Variants in NDUFB2 observed in about 807,000 individuals in gnomAD.
NDUFB2 encodes the protein NADH:ubiquinone oxidoreductase subunit B2, also known as NADH dehydrogenase [ubiquinone] 1 beta subcomplex subunit 2, mitochondrial.
NDUFB2 carries 13 observed loss-of-function variants against 13.4 expected under a neutral mutation model. The ratio of observed to expected loss-of-function variants is 0.97; its 90% CI spans 0.63 to 1.54. The LOEUF is 1.54. Among genes scored for constraint, NDUFB2 ranks in the 40% most tolerant of loss-of-function variants. The pLI, the probability that NDUFB2 is intolerant of heterozygous loss-of-function variation, is 0.00. For missense variants in NDUFB2, 150 were observed against 139.7 expected (o/e 1.07, Z -0.37); for synonymous variants, 47 against 50.6 (o/e 0.93, Z 0.30).
Position 140,696,755 on chromosome 7 carries a change from T to A in NDUFB2, c.11T>A (p.Leu4Gln). 6.3e-7 allele frequency: 1 copy of A among 1,598,598 alleles called. No individual in the cohort carries two copies. Among genetic ancestry groups the A allele is most frequent in the Non-Finnish European group, 8.5e-7 (1 of 1,173,444 alleles). ...CGGACGGGAGCGAGTATGTCCGCTC[T>A]GACTCGGCTGGCGTCTTTCGCTCGC... The part of the protein sequence containing the change: MSA[L>Q]TRLASFARVG... The change falls in exon 1 of 4, where the codon CTG (leucine) becomes CAG (glutamine). Residue 4 changes from leucine to glutamine, a missense_variant. Transcript: ENST00000247866.
intron 1 of NDUFB2, 155 bp from the exon 2 acceptor site, chr7:140,702,711 A>AAGTGAGTATT: frequency 2.3e-6 from 2 of 878,666 alleles, no homozygotes; most frequent in Non-Finnish European, 3.4e-6. Context: ...GCTTAGTAAA[A>AAGTGAGTATT]AGTGAGTATT....
chr7:140,704,720 TA>T, intron 2 of NDUFB2, 139 bp from the exon 3 acceptor site: 1 of 555,010 alleles, frequency 1.8e-6, no homozygotes, highest in Non-Finnish European at 3.1e-6. Flanking sequence ...ATCGAATAAT[TA>T]AAGTAGAATT....
At chr7:140,705,891 G>C (rs1002110162) in intron 3 of NDUFB2, among the ~76,000 whole-genome samples, 2 of 152,060 alleles carry the variant, frequency 1.3e-5, no homozygotes, top group Admixed American at 1.3e-4. Flanking sequence ...CATTTTCCAG[G>C]TCAGGAAGTC....
intron 3 of NDUFB2, chr7:140,706,038 G>A (rs1794965090): frequency 7.1e-6 from 1 of 140,696 alleles, no homozygotes. Flanking sequence ...AGTTTGTTAT[G>A]TTATGTTATG....
At chr7:140,702,113 A>G (rs1332888450) in intron 1 of NDUFB2, 3 of 681,354 alleles carry the variant, frequency 4.4e-6, no homozygotes, top group Non-Finnish European at 8.0e-6. Context: ...TCTTATCTAG[A>G]TGAAATTGGT....
chr7:140,702,628 A>C, intron 1 of NDUFB2: 1 of 449,982 alleles, frequency 2.2e-6, no homozygotes. Flanking sequence ...AAAATAATGA[A>C]TCTTCACTAA....
Position 140,704,950 on chromosome 7 carries a change from C to G in NDUFB2, c.*16C>G, listed in dbSNP as rs1794945889. On this transcript the variant is annotated 3_prime_UTR_variant, in exon 3 of 4. Transcript: ENST00000247866. ...TGAAGACTGAAGGTGTAGACTCAGC[C>G]TCACTCTGTACAAGTGGGTGTGCTC... 1 of 1,553,480 alleles carries G rather than the reference C, an allele frequency of 6.4e-7. No homozygotes were observed. The highest frequency in any genetic ancestry group is 1.4e-5 in the African/African-American group (1 of 71,944).
chr7:140,698,255 C>T (rs753726417), intron 1 of NDUFB2: 34 of 1,351,464 alleles, frequency 2.5e-5, no homozygotes, highest in Middle Eastern at 4.5e-4. Context: ...GGGGGAATGC[C>T]GATCTTCCCT....
chr7:140,703,999 C>T (rs1794932754), intron 2 of NDUFB2, among the ~76,000 whole-genome samples: 1 of 152,156 alleles, frequency 6.6e-6, no homozygotes, highest in African/African-American at 2.4e-5. Context: ...TCATGATCCA[C>T]CTGCCTTGGC....
chr7:140,704,560 G>A (rs950128157), intron 2 of NDUFB2, among the ~76,000 whole-genome samples: 2 of 152,092 alleles, frequency 1.3e-5, no homozygotes, highest in Non-Finnish European at 2.9e-5. Context: ...AGGATGTCAG[G>A]AACCTTTGAA....
At chr7:140,698,425 AC>A (rs1403734794) in intron 1 of NDUFB2, among the ~76,000 whole-genome samples, 1 of 152,230 alleles carries the variant, frequency 6.6e-6, no homozygotes, top group Non-Finnish European at 1.5e-5. Context: ...GAGAGGAGAG[AC>A]CAGTAGAAAA....
chr7:140,704,012 C>T (rs1346024465), intron 2 of NDUFB2, among the ~76,000 whole-genome samples: 2 of 152,146 alleles, frequency 1.3e-5, no homozygotes, highest in Admixed American at 6.5e-5. Context: ...GCCTTGGCCT[C>T]CCAAAGTGCT....
intron 3 of NDUFB2, 192 bp downstream of exon 3, chr7:140,705,155 A>G (rs1794948749): frequency 2.8e-6 from 1 of 354,576 alleles, no homozygotes; most frequent in African/African-American, 2.2e-5. Flanking sequence ...ACTGGAGTGC[A>G]GTGGCGTGAT....
intron 1 of NDUFB2, chr7:140,697,947 G>T: frequency 8.0e-7 from 1 of 1,256,740 alleles, no homozygotes; most frequent in South Asian, 1.3e-5. Flanking sequence ...TGATTCTCCA[G>T]CCTCGGCCTC....
At chr7:140,703,079 A>G (rs1265839278) in intron 2 of NDUFB2, 69 bp downstream of exon 2, 26 of 1,576,512 alleles carry the variant, frequency 1.6e-5, no homozygotes, top group South Asian at 2.3e-5. Context: ...TAGCTTGTTT[A>G]TTTTTCTGTT....
chr7:140,700,415 G>A (rs2130800283), intron 1 of NDUFB2, among the ~76,000 whole-genome samples: 1 of 151,952 alleles, frequency 6.6e-6, no homozygotes, highest in East Asian at 2.0e-4. Context: ...AAGCCACCGT[G>A]TCCGGCCTTC....
At chr7:140,704,287 T>C (rs1794936676) in intron 2 of NDUFB2, among the ~76,000 whole-genome samples, 2 of 152,226 alleles carry the variant, frequency 1.3e-5, no homozygotes, top group South Asian at 4.1e-4. Context: ...TTAGAACTTC[T>C]CTGTGCCGTT....
At chr7:140,702,762 G>C (rs1794913738) in intron 1 of NDUFB2, 104 bp from the exon 2 acceptor site, 1 of 1,290,956 alleles carries the variant, frequency 7.7e-7, no homozygotes, top group Non-Finnish European at 1.1e-6. Flanking sequence ...CAGTGGAGAT[G>C]AGAAACATTA....
Position 140,703,027 on chromosome 7 carries a change from A to G in NDUFB2, c.243+17A>G. ...GAGGTGCTGGTAAGTGCAGGAGAAG[A>G]GCACTTGTCGTTTTTTGGGTGGGGG... On this transcript the variant is annotated intron_variant, in intron 2 of 3. Coordinates refer to ENST00000247866, the MANE Select transcript of NDUFB2 (RefSeq NM_004546.3). 3 of 1,610,210 alleles carry G rather than the reference A, an allele frequency of 1.9e-6. No individual in the cohort carries two copies. Among genetic ancestry groups the G allele is most frequent in the Non-Finnish European group, 2.5e-6 (3 of 1,177,240 alleles).
Sources: gnomAD v4.1 joint callset for allele counts (sites outside exome capture counted in the v4.1 genomes callset) on GRCh38, gnomAD v4.1.1 for gene constraint, MANE v1.5 for transcripts, NCBI Gene and HGNC (gene_info 2026-07-23, HGNC 2026-07-21) for gene names.